The following AP3M1 variants were observed in gnomAD, a reference collection of about 807,000 sequenced individuals.
The protein encoded by AP3M1 is adaptor related protein complex 3 subunit mu 1.
A neutral mutation model predicts 42.6 loss-of-function variants in AP3M1; 29 were observed. That is an observed-to-expected ratio of 0.68 (90% CI 0.51 to 0.93). The LOEUF (loss-of-function observed/expected upper bound fraction) is 0.93. Ranked by LOEUF, AP3M1 falls within the 40% of genes least tolerant of loss-of-function variation. AP3M1 has a pLI of 0.00. For missense variants in AP3M1, 416 were observed against 510.2 expected (o/e 0.82, Z 1.78); for synonymous variants, 178 against 175.3 (o/e 1.02, Z -0.12).
intron 5 of AP3M1, 67 bp downstream of exon 5, chr10:74,129,840 C>T: frequency 9.8e-7 from 1 of 1,024,596 alleles, no homozygotes; most frequent in Non-Finnish European, 1.5e-6. Context: ...CAATATTTAT[C>T]ATTTCATTTA....
chr10:74,147,190 C>T (rs1841357843), intron 1 of AP3M1, among the ~76,000 whole-genome samples: 1 of 152,118 alleles, frequency 6.6e-6, no homozygotes, highest in Non-Finnish European at 1.5e-5. Context: ...GAGGCTGAGG[C>T]AGGAGAATCG....
At chr10:74,128,985 T>C (rs1419162310) in intron 6 of AP3M1, 123 bp downstream of exon 6, 1 of 1,184,756 alleles carries the variant, frequency 8.4e-7, no homozygotes, top group Non-Finnish European at 1.2e-6. Flanking sequence ...CTGGGTCTCC[T>C]GGTGAGCTAT....
At chr10:74,135,100 T>C (rs1840902683) in intron 3 of AP3M1, among the ~76,000 whole-genome samples, 2 of 152,212 alleles carry the variant, frequency 1.3e-5, no homozygotes, top group Admixed American at 6.5e-5. Flanking sequence ...CTGCAACCTA[T>C]AATCATGTTA....
At position 74,121,151 on chromosome 10, in the gene AP3M1, G is replaced by A. The variant is rs1195139665; in HGVS notation, c.*2659C>T. The A allele has an allele frequency of 2.6e-5, 4 of 152,192 alleles. No individual in the cohort carries two copies. The highest frequency in any genetic ancestry group is 9.7e-5 in the African/African-American group (4 of 41,436). 9.4% of individuals were successfully genotyped at this position (152,192 alleles called of 1,614,324 possible). ...TGCTTGAGTTAAGGGAAAGGCCAAG[G>A]CTGCTACTGAATTAGCAGTTTCTAA... On this transcript the variant is annotated 3_prime_UTR_variant, in exon 9 of 9. Coordinates refer to ENST00000355264, the MANE Select transcript of AP3M1 (RefSeq NM_012095.6).
intron 7 of AP3M1, among the ~76,000 whole-genome samples, chr10:74,125,503 A>G (rs1840587512): frequency 6.6e-6 from 1 of 152,238 alleles, no homozygotes; most frequent in Non-Finnish European, 1.5e-5. Context: ...TTGAATCCTT[A>G]CAACTGTATT....
chr10:74,133,030 A>G (rs1017597467), intron 4 of AP3M1, among the ~76,000 whole-genome samples: 2 of 152,176 alleles, frequency 1.3e-5, no homozygotes, highest in African/African-American at 2.4e-5. Flanking sequence ...AGGCAGGTGG[A>G]TCACTTGAGG....
intron 5 of AP3M1, 125 bp downstream of exon 5, chr10:74,129,782 G>A: frequency 1.4e-6 from 1 of 717,774 alleles, no homozygotes. Context: ...AACTCTGCTA[G>A]GAATATTTCT....
Position 74,122,917 on chromosome 10 carries a change from T to G in AP3M1, c.*893A>C, listed in dbSNP as rs1445288708. 6.6e-6 allele frequency: 1 copy of G among 152,344 alleles called. No individual in the cohort carries two copies. Among genetic ancestry groups the G allele is most frequent in the African/African-American group, 2.4e-5 (1 of 41,454 alleles). 9.4% of individuals were successfully genotyped at this position (152,344 alleles called of 1,614,324 possible). A position where few individuals can be genotyped will look rare whatever the true frequency, so the allele number is the denominator to read the frequency against. ...TGGCTTAACTGGTGTTGGGTAAGCTTTATATTATAAAACATGAAGATGGCA... is the reference window on the plus strand; with the variant it reads ...TGGCTTAACTGGTGTTGGGTAAGCTGTATATTATAAAACATGAAGATGGCA... On this transcript the variant is annotated 3_prime_UTR_variant, in exon 9 of 9. Coordinates refer to ENST00000355264, the MANE Select transcript of AP3M1 (RefSeq NM_012095.6).
At chr10:74,143,635 A>C (rs1841227118) in intron 1 of AP3M1, among the ~76,000 whole-genome samples, 1 of 152,164 alleles carries the variant, frequency 6.6e-6, no homozygotes, top group Admixed American at 6.5e-5. Context: ...TCTTATTTTC[A>C]CAATGCTACA....
intron 4 of AP3M1, 67 bp from the exon 5 acceptor site, chr10:74,130,059 G>GT: frequency 9.6e-7 from 1 of 1,044,212 alleles, no homozygotes; most frequent in East Asian, 2.4e-5. Flanking sequence ...ACCTATCACT[G>GT]TATCTTTTTA....
intron 1 of AP3M1, among the ~76,000 whole-genome samples, chr10:74,147,891 C>A (rs570094151): frequency 1.1e-4 from 17 of 152,014 alleles, no homozygotes; most frequent in African/African-American, 3.9e-4. Flanking sequence ...CCCAGCTACT[C>A]GGGAGGCTGA....
chr10:74,133,937 G>C lies in AP3M1; in HGVS notation c.583+90C>G. ...CAAAGGGCTGGGATTACAGGCGTGA[G>C]CCACCGCGCCCGGCCAGGACTTCAG... is the stretch of plus-strand genomic sequence containing the variant. On this transcript the variant is annotated intron_variant, in intron 4 of 8. Coordinates refer to ENST00000355264, the MANE Select transcript of AP3M1 (RefSeq NM_012095.6). The C allele has an allele frequency of 5.9e-6, 9 of 1,518,716 alleles. No homozygotes were observed. In the South Asian group the frequency reaches 8.5e-5, roughly 14 times the overall value. The allele number at this position is 1,518,716 out of a possible 1,614,324, so 94.1% of individuals were successfully genotyped here. A position where few individuals can be genotyped will look rare whatever the true frequency, so the allele number is the denominator to read the frequency against.
At chr10:74,132,439 C>T (rs2131973643) in intron 4 of AP3M1, among the ~76,000 whole-genome samples, 1 of 151,542 alleles carries the variant, frequency 6.6e-6, no homozygotes, top group South Asian at 2.1e-4. Flanking sequence ...GCCTGTAATC[C>T]CAGCACTTTG....
Position 74,120,538 on chromosome 10 carries a change from G to A in AP3M1, c.*3272C>T, listed in dbSNP as rs1034195426. 1.3e-5 allele frequency: 2 copies of A among 152,264 alleles called. No homozygotes were observed. Among genetic ancestry groups the A allele is most frequent in the African/African-American group, 4.8e-5 (2 of 41,436 alleles). 9.4% of individuals were successfully genotyped at this position (152,264 alleles called of 1,614,324 possible). Reference sequence around the variant, plus strand: ...CCACAGGTCCTTCCCCCTGCTGCAAGACAGAGACTTGCTCTGTTGCCCAGG... The same window carrying A: ...CCACAGGTCCTTCCCCCTGCTGCAAAACAGAGACTTGCTCTGTTGCCCAGG... On this transcript the variant is annotated 3_prime_UTR_variant, in exon 9 of 9. Transcript: ENST00000355264.
intron 1 of AP3M1, among the ~76,000 whole-genome samples, chr10:74,139,619 TAA>T (rs1393414476): frequency 2.4e-4 from 25 of 104,478 alleles, no homozygotes; most frequent in Non-Finnish European, 2.2e-4. Context: ...CTGTCTCTAC[TAA>T]AAAAAAAAAA....
Position 74,121,046 on chromosome 10 carries a change from T to C in AP3M1, c.*2764A>G, listed in dbSNP as rs778583580. 2 of 152,174 alleles carry C rather than the reference T, an allele frequency of 1.3e-5. No individual in the cohort carries two copies. Among genetic ancestry groups the C allele is most frequent in the Non-Finnish European group, 2.9e-5 (2 of 68,020 alleles). 9.4% of individuals were successfully genotyped at this position (152,174 alleles called of 1,614,324 possible). ...GTAACATGTCATTAAAGGGTGATGA[T>C]ATTGATATTTAGTGTTGCCAACTGC... On this transcript the variant is annotated 3_prime_UTR_variant, in exon 9 of 9. Transcript: ENST00000355264.
In AP3M1 at chr10:74,138,265, C is replaced by T; in HGVS notation, c.115G>A (p.Ala39Thr). ...GGTGGTACATTTTCAACATCAGCAG[C>T]TTTCTCTTGAGCTTCAAAGAAATAA... ...CDYFFEAQEK[A>T]ADVENVPPVI... Residue 39 changes from alanine to threonine, a missense_variant, in exon 2 of 9, where the codon GCT (alanine) becomes ACT (threonine). Coordinates refer to ENST00000355264, the MANE Select transcript of AP3M1 (RefSeq NM_012095.6). 6.2e-7 allele frequency: 1 copy of T among 1,614,018 alleles called. No homozygotes were observed. Among genetic ancestry groups the T allele is most frequent in the African/African-American group, 1.3e-5 (1 of 75,004 alleles).
intron 1 of AP3M1, among the ~76,000 whole-genome samples, chr10:74,140,373 C>A (rs998080378): frequency 2.6e-5 from 4 of 152,234 alleles, no homozygotes; most frequent in Non-Finnish European, 5.9e-5. Flanking sequence ...CTTTGCAAGC[C>A]CTTCTGTGCC....
intron 6 of AP3M1, among the ~76,000 whole-genome samples, chr10:74,126,841 C>T (rs548096272): frequency 6.6e-6 from 1 of 151,808 alleles, no homozygotes; most frequent in Non-Finnish European, 1.5e-5. Context: ...TGTGGTGGCT[C>T]ATGCCTGTAG....
Sources: gnomAD v4.1 joint callset for allele counts (sites outside exome capture counted in the v4.1 genomes callset) on GRCh38, gnomAD v4.1.1 for gene constraint, MANE v1.5 for transcripts, NCBI Gene and HGNC (gene_info 2026-07-23, HGNC 2026-07-21) for gene names.